CDH13: variants seen among roughly 807,000 people sequenced by gnomAD.
CDH13 encodes the protein cadherin-13.
In CDH13, 24 loss-of-function variants were observed where a neutral mutation model predicts 63.8. The observed-to-expected ratio is 0.38, with a 90% CI of 0.27 to 0.53. The LOEUF (loss-of-function observed/expected upper bound fraction) is 0.53, where lower values mean the gene tolerates loss of function less well. Among genes scored for constraint, CDH13 ranks in the 20% least tolerant of loss-of-function variants. The pLI, the probability that CDH13 is intolerant of heterozygous loss-of-function variation, is 0.85. For missense variants in CDH13, 1,049 were observed against 903.1 expected, an observed-to-expected ratio of 1.16 and a Z score of -2.07; for synonymous variants, 503 against 355.3, an observed-to-expected ratio of 1.42 and a Z score of -4.67.
At chr16:83,548,837 C>G (rs12600064) in intron 7 of CDH13, among the ~76,000 whole-genome samples, 1 of 151,976 alleles carries the variant, frequency 6.6e-6, no homozygotes, top group African/African-American at 2.4e-5. Flanking sequence ...AGAGGAGAAA[C>G]CTATGATCCT....
At chr16:82,837,680 T>TA (rs2038826917) in intron 1 of CDH13, among the ~76,000 whole-genome samples, 1 of 152,198 alleles carries the variant, frequency 6.6e-6, no homozygotes, top group African/African-American at 2.4e-5. Flanking sequence ...AAATGGTTTC[T>TA]ACGAGGGAAG....
At chr16:83,770,315 T>A (rs1298811691) in intron 11 of CDH13, among the ~76,000 whole-genome samples, 1 of 152,184 alleles carries the variant, frequency 6.6e-6, no homozygotes, top group African/African-American at 2.4e-5. Context: ...TGGCTCTGGC[T>A]CTTATGGACG....
At chr16:83,306,056 A>T (rs2089869025) in intron 5 of CDH13, among the ~76,000 whole-genome samples, 1 of 152,188 alleles carries the variant, frequency 6.6e-6, no homozygotes, top group Admixed American at 6.5e-5. Context: ...TGCACCCCCT[A>T]GATGGGTGTA....
intron 8 of CDH13, among the ~76,000 whole-genome samples, chr16:83,665,347 T>C (rs1245259089): frequency 1.3e-5 from 2 of 152,260 alleles, no homozygotes; most frequent in Admixed American, 6.5e-5. Context: ...ATCATTATCC[T>C]TGCTAACAAA....
intron 6 of CDH13, among the ~76,000 whole-genome samples, chr16:83,404,611 C>T (rs761785488): frequency 1.5e-4 from 23 of 152,008 alleles, no homozygotes; most frequent in Non-Finnish European, 1.9e-4. Context: ...GTGCACACAC[C>T]CCCTCACACA....
chr16:83,172,802 CAAA>C (rs1035063568), intron 4 of CDH13, among the ~76,000 whole-genome samples: 4 of 152,006 alleles, frequency 2.6e-5, no homozygotes, highest in African/African-American at 7.2e-5. Flanking sequence ...AAAAAGAAAA[CAAA>C]GAAGGCTAAA....
chr16:82,639,544 C>T (rs1909128324), intron 1 of CDH13: 2 of 900,734 alleles, frequency 2.2e-6, no homozygotes, highest in East Asian at 2.6e-5. Context: ...TTGCCTAAGT[C>T]AGTGCTTCCT....
rs375826970 is a variant in CDH13 at position 83,497,717 on chromosome 16, C to G, written c.960+11062C>G. On this transcript the variant is annotated intron_variant, in intron 7 of 13. Coordinates refer to ENST00000567109, the MANE Select transcript of CDH13 (RefSeq NM_001257.5). ...TTTTAAAGCTCATGCGTCATCAAAA[C>G]ATAGACAGCAGGCTGGATTTGACCA... 2.0e-3 allele frequency among the ~76,000 whole-genome samples: 307 copies of G among 152,166 alleles called. 2 individuals carry two copies. Among genetic ancestry groups the G allele is most frequent in the South Asian group, 0.016 (77 of 4,822 alleles).
intron 2 of CDH13, among the ~76,000 whole-genome samples, chr16:82,875,677 A>G (rs547085200): frequency 6.6e-6 from 1 of 152,370 alleles, no homozygotes; most frequent in South Asian, 2.1e-4. Context: ...AAGTGAACAC[A>G]TCAAAGATTT....
At chr16:82,950,221 G>C (rs1296842213) in intron 2 of CDH13, among the ~76,000 whole-genome samples, 2 of 152,102 alleles carry the variant, frequency 1.3e-5, no homozygotes, top group African/African-American at 4.8e-5. Context: ...AGGTTTGCTA[G>C]AAACCTTTGG....
intron 3 of CDH13, among the ~76,000 whole-genome samples, chr16:83,094,017 G>C (rs564109552): frequency 6.6e-6 from 1 of 152,174 alleles, no homozygotes; most frequent in African/African-American, 2.4e-5. Flanking sequence ...TTTATGAATA[G>C]GCAAAATTTG....
chr16:82,649,613 G>A (rs1400985140), intron 1 of CDH13, among the ~76,000 whole-genome samples: 1 of 152,080 alleles, frequency 6.6e-6, no homozygotes, highest in Non-Finnish European at 1.5e-5. Context: ...GTCAGAGCAT[G>A]GCATGTATGA....
intron 13 of CDH13, among the ~76,000 whole-genome samples, chr16:83,783,886 C>G (rs773641608): frequency 6.6e-6 from 1 of 152,124 alleles, no homozygotes; most frequent in East Asian, 1.9e-4. Context: ...TGAGAATAGT[C>G]GTGAGAATTT....
chr16:83,110,576 A>G (rs1232630671), intron 3 of CDH13, among the ~76,000 whole-genome samples: 1 of 152,180 alleles, frequency 6.6e-6, no homozygotes, highest in Non-Finnish European at 1.5e-5. Flanking sequence ...TCATGCTGCT[A>G]CATACTTGTA....
At chr16:82,822,912 G>C (rs1402214838) in intron 1 of CDH13, among the ~76,000 whole-genome samples, 1 of 152,184 alleles carries the variant, frequency 6.6e-6, no homozygotes, top group Non-Finnish European at 1.5e-5. Context: ...TTTCTGATGG[G>C]CTTGCAGTCA....
intron 3 of CDH13, among the ~76,000 whole-genome samples, chr16:83,121,742 C>T (rs967271119): frequency 2.0e-5 from 3 of 152,106 alleles, no homozygotes; most frequent in African/African-American, 2.4e-5. Context: ...TTGAATGTAA[C>T]GTTTGGATGG....
chr16:83,759,691 C>T, intron 11 of CDH13, among the ~76,000 whole-genome samples: 1 of 151,938 alleles, frequency 6.6e-6, no homozygotes, highest in Non-Finnish European at 1.5e-5. Flanking sequence ...CCTTGGGAAG[C>T]CAAGGTGGGC....
At chr16:82,816,485 A>G (rs1247858890) in intron 1 of CDH13, among the ~76,000 whole-genome samples, 1 of 152,168 alleles carries the variant, frequency 6.6e-6, no homozygotes, top group Non-Finnish European at 1.5e-5. Flanking sequence ...GGGGAGGAAC[A>G]GTTGTAACTT....
intron 1 of CDH13, among the ~76,000 whole-genome samples, chr16:82,764,964 G>A (rs1597504634): frequency 6.6e-6 from 1 of 152,106 alleles, no homozygotes; most frequent in East Asian, 1.9e-4. Flanking sequence ...ACAGACGTGT[G>A]CCACTATGCC....
Sources: allele counts gnomAD v4.1 joint callset (sites outside exome capture counted in the v4.1 genomes callset), GRCh38; gene constraint gnomAD v4.1.1; transcripts MANE v1.5; gene names NCBI Gene and HGNC (gene_info 2026-07-23, HGNC 2026-07-21).